TNS3: variants seen among roughly 807,000 people sequenced by gnomAD.
TNS3 encodes tensin 3, also known as tensin-3.
A neutral mutation model predicts 140.9 loss-of-function variants in TNS3; 45 were observed. The ratio of observed to expected loss-of-function variants is 0.32; its 90% CI spans 0.25 to 0.41. The LOEUF (loss-of-function observed/expected upper bound fraction) is 0.41. Among genes scored for constraint, TNS3 ranks in the 10% least tolerant of loss-of-function variants. TNS3 has a pLI of 1.00. For synonymous variants in TNS3, 815 were observed against 788.4 expected, an observed-to-expected ratio of 1.03 and a Z score of -0.56; for missense variants, 1,716 against 1,906.7, an observed-to-expected ratio of 0.90 and a Z score of 1.86.
In TNS3 at chr7:47,407,536, C is replaced by T. The variant is rs115390140; in HGVS notation, c.723+4191G>A. 6.3e-3 allele frequency among the ~76,000 whole-genome samples: 964 copies of T among 152,288 alleles called. 5 individuals carry two copies. The highest frequency in any genetic ancestry group is 0.021 in the African/African-American group (890 of 41,572). The stretch of plus-strand genomic sequence containing the variant: ...CTGGGCCGTCAATGGCACCTGACTG[C>T]GCTAGTAATCTTACTAAACTTTCTA... On this transcript the variant is annotated intron_variant, in intron 13 of 30. Coordinates refer to ENST00000311160, the MANE Select transcript of TNS3 (RefSeq NM_022748.12). This position sits in a 1 kb window ranked among gnomAD's most constrained non-coding sequence, Gnocchi z 4.1.
At chr7:47,434,271 G>C (rs1795067256) in intron 8 of TNS3, among the ~76,000 whole-genome samples, 1 of 147,456 alleles carries the variant, frequency 6.8e-6, no homozygotes, top group Non-Finnish European at 1.5e-5. Flanking sequence ...TAATACAATG[G>C]ATTTCTGTGC....
intron 2 of TNS3, among the ~76,000 whole-genome samples, chr7:47,519,624 G>T (rs1159316365): frequency 2.0e-5 from 3 of 152,102 alleles, no homozygotes; most frequent in Non-Finnish European, 2.9e-5. Context: ...ATGTCCACCT[G>T]TGTGTGGGTG....
intron 3 of TNS3, among the ~76,000 whole-genome samples, chr7:47,491,904 G>A (rs756155890): frequency 2.0e-5 from 3 of 152,286 alleles, no homozygotes; most frequent in African/African-American, 4.8e-5. Flanking sequence ...TCCTGAGAGC[G>A]ATCCTACAGG....
intron 20 of TNS3, among the ~76,000 whole-genome samples, chr7:47,317,962 AT>A (rs1450720177): frequency 1.3e-5 from 2 of 152,228 alleles, no homozygotes; most frequent in Non-Finnish European, 2.9e-5. Context: ...ACATAACAAA[AT>A]TTACCATCTT....
At chr7:47,506,861 C>T (rs1004674434) in intron 3 of TNS3, 46 bp downstream of exon 3, 1 of 1,274,040 alleles carries the variant, frequency 7.8e-7, no homozygotes, top group Non-Finnish European at 1.0e-6. Context: ...CAATGAAGGC[C>T]AAGTCAGCTA....
Position 47,283,834 on chromosome 7 carries a change from C to G in TNS3, c.3960G>C (p.Glu1320Asp), listed in dbSNP as rs752595158. ...CCTGGTGGCCGGTGAGGGACTCCAT[C>G]TCCACAGAGTTCAAGTACCACACAT... Reference protein sequence around the residue: ...ACNVWYLNSVEMESLTGHQAI... With the variant: ...ACNVWYLNSVDMESLTGHQAI... Residue 1320 changes from glutamate to aspartate, a missense_variant, in exon 28 of 31, where the codon GAG becomes GAC. Glu to Asp is a conservative substitution (Grantham distance 45, BLOSUM62 2). This residue lies in a region of TNS3 where 216 missense variants were observed against 295.7 expected (regional missense o/e 0.73). Coordinates refer to ENST00000311160, the MANE Select transcript of TNS3 (RefSeq NM_022748.12). 2.5e-6 allele frequency: 4 copies of G among 1,608,744 alleles called. No homozygotes were observed. In the African/African-American group the frequency reaches 5.4e-5, roughly 22 times the overall value.
At chr7:47,409,861 G>A (rs1160768315) in intron 13 of TNS3, among the ~76,000 whole-genome samples, 2 of 152,134 alleles carry the variant, frequency 1.3e-5, no homozygotes, top group South Asian at 2.1e-4. Context: ...GTTTCACCGT[G>A]TCAGCCAGGA....
rs1053178703 is a variant in TNS3, at chr7:47,427,159, G to GT, written c.389+1152dup. On this transcript the variant is annotated intron_variant, in intron 9 of 30. Transcript: ENST00000311160. The stretch of plus-strand genomic sequence containing the variant: ...AAAAAAAAAAAACAGAAGTGCTCAG[G>GT]TGGTCTCTGTCCAGAACCAGCCAGG... 4.0e-5 allele frequency among the ~76,000 whole-genome samples: 6 copies of GT among 150,984 alleles called. 1 individual carries two copies. Among genetic ancestry groups the GT allele is most frequent in the Admixed American group, 3.3e-4 (5 of 15,044 alleles).
intron 2 of TNS3, among the ~76,000 whole-genome samples, chr7:47,515,341 T>C (rs912439037): frequency 6.6e-6 from 1 of 152,148 alleles, no homozygotes; most frequent in Admixed American, 6.5e-5. Context: ...ATCAGTATCA[T>C]CACGATCAGC....
At chr7:47,499,895 C>G (rs1798146984) in intron 3 of TNS3, among the ~76,000 whole-genome samples, 1 of 152,096 alleles carries the variant, frequency 6.6e-6, no homozygotes, top group Non-Finnish European at 1.5e-5. Flanking sequence ...ATGTGCTGTT[C>G]TGGTGCGGCG....
chr7:47,477,011 A>G (rs781151346), intron 4 of TNS3, among the ~76,000 whole-genome samples: 4 of 152,206 alleles, frequency 2.6e-5, no homozygotes, highest in African/African-American at 4.8e-5. Context: ...ATGCGCCACA[A>G]TCACGGAAAA....
intron 4 of TNS3, among the ~76,000 whole-genome samples, chr7:47,445,779 G>A (rs1110925): frequency 0.33 from 50,388 of 152,022 alleles, 8,396 homozygotes; most frequent in Non-Finnish European, 0.35. Context: ...ATGAGAACCA[G>A]GCCCCATACT....
chr7:47,359,345 T>C (rs1790185787), intron 17 of TNS3, among the ~76,000 whole-genome samples: 1 of 152,052 alleles, frequency 6.6e-6, no homozygotes, highest in Non-Finnish European at 1.5e-5. Context: ...AGTAGGCACA[T>C]CCCCAGGGAC....
At chr7:47,519,603 C>A (rs1201960800) in intron 2 of TNS3, among the ~76,000 whole-genome samples, 1 of 152,152 alleles carries the variant, frequency 6.6e-6, no homozygotes, top group African/African-American at 2.4e-5. Flanking sequence ...AGCCCAGCAG[C>A]CCGGTGGCAG....
chr7:47,354,607 G>GA lies in TNS3; in HGVS notation c.2282-8252dup, dbSNP rs113598140. Among the ~76,000 whole-genome samples the GA allele has an allele frequency of 2.9e-3, 406 of 138,350 alleles. 2 individuals carry two copies. Among genetic ancestry groups the GA allele is most frequent in the African/African-American group, 4.3e-3 (162 of 37,572 alleles). The allele number at this position is 138,350 out of a possible 152,430, so 90.8% of individuals were successfully genotyped here. On this transcript the variant is annotated intron_variant, in intron 17 of 30. Coordinates refer to ENST00000311160, the MANE Select transcript of TNS3 (RefSeq NM_022748.12). The stretch of plus-strand genomic sequence containing the variant: ...TACTTCCCTGCCAGTTCCCAGCCAG[G>GA]AAAAAAAAAAAAAAATCCTGCATCC...
intron 3 of TNS3, among the ~76,000 whole-genome samples, chr7:47,483,500 T>C (rs557349824): frequency 5.3e-5 from 8 of 152,266 alleles, no homozygotes; most frequent in Non-Finnish European, 1.2e-4. Context: ...AATCTAAAAC[T>C]CTCTTAAAAA....
chr7:47,311,256 C>T (rs1215838015), intron 20 of TNS3, among the ~76,000 whole-genome samples: 1 of 152,142 alleles, frequency 6.6e-6, no homozygotes, highest in Admixed American at 6.5e-5. Flanking sequence ...TAATGATTGC[C>T]ATTCTGGGGG....
intron 4 of TNS3, among the ~76,000 whole-genome samples, chr7:47,475,758 A>ATT (rs1562785897): frequency 2.0e-5 from 3 of 152,198 alleles, no homozygotes; most frequent in South Asian, 4.1e-4. Context: ...CTTCAATCAA[A>ATT]AGCTGTGGGG....
intron 27 of TNS3, among the ~76,000 whole-genome samples, chr7:47,286,153 A>G (rs1436458543): frequency 6.6e-6 from 1 of 152,200 alleles, no homozygotes; most frequent in African/African-American, 2.4e-5. Flanking sequence ...AAAATTCCAC[A>G]AAATTGGCAC....
Sources: allele counts gnomAD v4.1 joint callset (sites outside exome capture counted in the v4.1 genomes callset), GRCh38; gene constraint gnomAD v4.1.1; regional missense constraint gnomAD v4.1.1; non-coding constraint Gnocchi (gnomAD v3.1); transcripts MANE v1.5; gene names NCBI Gene and HGNC (gene_info 2026-07-23, HGNC 2026-07-21).